The following ZNF484 variants were observed in gnomAD, a reference collection of about 807,000 sequenced individuals.
ZNF484 encodes the protein KRAB box containing C2H2 type zinc finger bA526D8.4.
ZNF484 carries 11 observed loss-of-function variants against 12.9 expected under a neutral mutation model. The ratio of observed to expected loss-of-function variants is 0.85; its 90% CI spans 0.54 to 1.41. The LOEUF (loss-of-function observed/expected upper bound fraction) is 1.41. ZNF484 is among the 40% of genes most tolerant of loss of function. The probability of loss-of-function intolerance (pLI) is 0.00; values close to 1 mark genes in which losing one functional copy is unlikely to be tolerated. For synonymous variants in ZNF484, 289 were observed against 334.1 expected (o/e 0.86, Z 1.47); for missense variants, 807 against 1,007.7 (o/e 0.80, Z 2.70).
intron 2 of ZNF484, among the ~76,000 whole-genome samples, chr9:92,868,117 G>T (rs1275502156): frequency 6.6e-6 from 1 of 152,090 alleles, no homozygotes; most frequent in Admixed American, 6.5e-5. Flanking sequence ...TCCAAAATAG[G>T]TCCTGCTGGG....
In ZNF484 at chr9:92,875,031, T is replaced by C. The variant is rs1482644145; in HGVS notation, c.-2A>G. The C allele has an allele frequency of 2.5e-6, 4 of 1,613,918 alleles. No homozygotes were observed. The highest frequency in any genetic ancestry group is 3.4e-6 in the Non-Finnish European group (4 of 1,179,986). On this transcript the variant is annotated 5_prime_UTR_variant, in exon 2 of 5. Coordinates refer to ENST00000375495, the MANE Select transcript of ZNF484 (RefSeq NM_031486.4). ...AGAACTCACCAGGGACTTGGTCATT[T>C]TTGGCTCTTCGGACAAAGGGGCAGA...
intron 3 of ZNF484, 67 bp from the exon 4 acceptor site, chr9:92,855,970 C>A: frequency 6.4e-7 from 1 of 1,557,182 alleles, no homozygotes; most frequent in Non-Finnish European, 8.8e-7. Flanking sequence ...CATTTTTTTC[C>A]CAAAAAAGTT....
In ZNF484 at chr9:92,845,305, A is replaced by G. The variant is rs1855518481; in HGVS notation, c.*923T>C. The G allele has an allele frequency of 6.6e-6, 1 of 152,234 alleles. No individual in the cohort carries two copies. Among genetic ancestry groups the G allele is most frequent in the Non-Finnish European group, 1.5e-5 (1 of 68,036 alleles). The allele number at this position is 152,234 out of a possible 1,614,324, so 9.4% of individuals were successfully genotyped here. A position where few individuals can be genotyped will look rare whatever the true frequency, so the allele number is the denominator to read the frequency against. The stretch of plus-strand genomic sequence containing the variant: ...GAAGAAAAGACAAAAAAGTCTATTC[A>G]AATACAGAGAATTTGAAAAACAAAA... On this transcript the variant is annotated 3_prime_UTR_variant, in exon 5 of 5. Coordinates refer to ENST00000375495, the MANE Select transcript of ZNF484 (RefSeq NM_031486.4). This position sits in a 1 kb window ranked among gnomAD's most constrained non-coding sequence, Gnocchi z 4.0.
intron 4 of ZNF484, among the ~76,000 whole-genome samples, chr9:92,851,343 A>C (rs1856063649): frequency 6.6e-6 from 1 of 152,242 alleles, no homozygotes; most frequent in Non-Finnish European, 1.5e-5. Flanking sequence ...ATGGTCAAAA[A>C]ATTAAAAGAA....
Position 92,847,792 on chromosome 9 carries a change from T to G in ZNF484, c.995A>C (p.Asp332Ala). Residue 332 changes from aspartate to alanine, a missense_variant, in exon 5 of 5, where the codon GAC (aspartate) becomes GCC (alanine). By Grantham distance (126) the Asp-to-Ala change is moderately radical. Coordinates refer to ENST00000375495, the MANE Select transcript of ZNF484 (RefSeq NM_031486.4). The stretch of plus-strand genomic sequence containing the variant: ...CTTCTGGATAAAGGCTCTTCCATAG[T>G]CACTGCATTTATAGTAATTCCCCTC... The part of the protein sequence containing the change: ...PYEGNYYKCS[D>A]YGRAFIQKSD... 6.2e-7 allele frequency: 1 copy of G among 1,614,062 alleles called. No individual in the cohort carries two copies. Among genetic ancestry groups the G allele is most frequent in the Middle Eastern group, 1.6e-4 (1 of 6,062 alleles).
At chr9:92,868,288 C>T (rs10821030) in intron 2 of ZNF484, among the ~76,000 whole-genome samples, 63,041 of 151,916 alleles carry the variant, frequency 0.41, 14,042 homozygotes, top group African/African-American at 0.57. Context: ...TAGAGAGTAA[C>T]TATGAGCAGG....
intron 2 of ZNF484, among the ~76,000 whole-genome samples, chr9:92,865,109 GAC>G (rs1314298194): frequency 6.6e-6 from 1 of 152,166 alleles, no homozygotes; most frequent in Non-Finnish European, 1.5e-5. Context: ...ATACATGAAT[GAC>G]AGTGTGATAG....
intron 2 of ZNF484, among the ~76,000 whole-genome samples, chr9:92,870,636 C>T (rs1344593525): frequency 2.0e-5 from 3 of 152,110 alleles, no homozygotes; most frequent in Non-Finnish European, 4.4e-5. Context: ...AGCAGTAATG[C>T]GACACTCTTC....
At chr9:92,872,052 GA>G (rs1342676198) in intron 2 of ZNF484, among the ~76,000 whole-genome samples, 2 of 152,062 alleles carry the variant, frequency 1.3e-5, no homozygotes, top group African/African-American at 4.8e-5. Flanking sequence ...CCAACATGGA[GA>G]AACCCCGTCT....
intron 2 of ZNF484, among the ~76,000 whole-genome samples, chr9:92,868,923 G>A (rs189128840): frequency 6.6e-6 from 1 of 151,826 alleles, no homozygotes; most frequent in Admixed American, 6.6e-5. Context: ...ACAGGGTCTC[G>A]CCATATTACC....
Position 92,847,379 on chromosome 9 carries a change from A to G in ZNF484, c.1408T>C (p.Cys470Arg). 1 of 1,613,812 alleles carries G rather than the reference A, an allele frequency of 6.2e-7. No homozygotes were observed. Residue 470 changes from cysteine to arginine, a missense_variant, in exon 5 of 5, where the codon TGT becomes CGT. By Grantham distance (180) the Cys-to-Arg change is radical. Transcript: ENST00000375495. ...GTGAAGACCTTCCCACATTCTGAAC[A>G]TATAAAGGGATTCTCTCCTGTGTGA... ...RIHTGENPFI[C>R]SECGKVFTHK...
rs1254390130 is a variant in ZNF484, at chr9:92,848,393, G to T, written c.394C>A (p.Gln132Lys). The stretch of plus-strand genomic sequence containing the variant: ...ACAACACGACTTAAAGGTTTGTTCT[G>T]GTTTTCTCCACATTTTCTTGTGTGT... ...DEHTRKCGEN[Q>K]NKPLSRVVFI... The change falls in exon 5 of 5, where the codon CAG (glutamine) becomes AAG (lysine). Residue 132 changes from glutamine to lysine, a missense_variant. By Grantham distance (53) the Gln-to-Lys change is moderately conservative. Transcript: ENST00000375495. This position sits in a 1 kb window ranked among gnomAD's most constrained non-coding sequence, Gnocchi z 4.1. The T allele has an allele frequency of 4.7e-5, 76 of 1,613,900 alleles. No individual in the cohort carries two copies. The highest frequency in any genetic ancestry group is 6.4e-5 in the Non-Finnish European group (75 of 1,180,002).
chr9:92,860,113 A>G (rs532902133), intron 2 of ZNF484, among the ~76,000 whole-genome samples: 5 of 152,288 alleles, frequency 3.3e-5, no homozygotes, highest in African/African-American at 9.6e-5. Flanking sequence ...AAGGTACCCC[A>G]CTATAAACCA....
chr9:92,867,818 G>A (rs762480621), intron 2 of ZNF484, among the ~76,000 whole-genome samples: 1 of 152,154 alleles, frequency 6.6e-6, no homozygotes, highest in Non-Finnish European at 1.5e-5. Context: ...TGAACTATAA[G>A]CATGAGTATA....
At chr9:92,870,137 G>C (rs1381743935) in intron 2 of ZNF484, among the ~76,000 whole-genome samples, 1 of 152,090 alleles carries the variant, frequency 6.6e-6, no homozygotes, top group Non-Finnish European at 1.5e-5. Flanking sequence ...ACTCTGAAAG[G>C]TAAAGAAAAA....
At position 92,878,035 on chromosome 9, in the gene ZNF484, G is replaced by A; in HGVS notation, c.-176C>T. 3.4e-6 allele frequency: 2 copies of A among 593,306 alleles called. No individual in the cohort carries two copies. Among genetic ancestry groups the A allele is most frequent in the South Asian group, 2.1e-5 (1 of 48,532 alleles). 36.8% of individuals were successfully genotyped at this position (593,306 alleles called of 1,614,324 possible). On this transcript the variant is annotated 5_prime_UTR_variant, in exon 1 of 5. Coordinates refer to ENST00000375495, the MANE Select transcript of ZNF484 (RefSeq NM_031486.4). Reference sequence around the variant, plus strand: ...TTCTTACAGCGCTGCCTGGGTTTGCGCATGCTCAGCAGTCTTCATGGCCTG... The same window carrying A: ...TTCTTACAGCGCTGCCTGGGTTTGCACATGCTCAGCAGTCTTCATGGCCTG...
At chr9:92,861,851 A>G (rs1309097756) in intron 2 of ZNF484, among the ~76,000 whole-genome samples, 1 of 152,234 alleles carries the variant, frequency 6.6e-6, no homozygotes, top group Non-Finnish European at 1.5e-5. Flanking sequence ...CCAAATCTCC[A>G]AAAGGAAAAC....
intron 2 of ZNF484, among the ~76,000 whole-genome samples, chr9:92,864,522 T>A (rs765277233): frequency 1.3e-5 from 2 of 152,226 alleles, no homozygotes; most frequent in Non-Finnish European, 2.9e-5. Context: ...GCTTCTTTTG[T>A]GTTTAAGCCC....
At chr9:92,866,725 A>G (rs1857101671) in intron 2 of ZNF484, among the ~76,000 whole-genome samples, 1 of 152,218 alleles carries the variant, frequency 6.6e-6, no homozygotes, top group African/African-American at 2.4e-5. Flanking sequence ...ACAATAGCAA[A>G]GACACAGAAC....
Sources: gnomAD v4.1 joint callset for allele counts (sites outside exome capture counted in the v4.1 genomes callset) on GRCh38, gnomAD v4.1.1 for gene constraint, Gnocchi (gnomAD v3.1) non-coding constraint, MANE v1.5 for transcripts, NCBI Gene and HGNC (gene_info 2026-07-23, HGNC 2026-07-21) for gene names.